The following BIRC6 variants were observed in gnomAD, a reference collection of about 807,000 sequenced individuals.
BIRC6 encodes dual E2 ubiquitin-conjugating enzyme/E3 ubiquitin-protein ligase BIRC6.
A neutral mutation model predicts 503.3 loss-of-function variants in BIRC6; 98 were observed. That is an observed-to-expected ratio of 0.19 (90% confidence interval 0.17 to 0.23). BIRC6 has a LOEUF of 0.23. Ranked by LOEUF, BIRC6 falls within the 10% of genes least tolerant of loss-of-function variation. The pLI is 1.00. For missense variants in BIRC6, 5,360 were observed against 5,806.0 expected (o/e 0.92, Z 2.50); for synonymous variants, 2,240 against 2,078.7 (o/e 1.08, Z -2.11).
intron 24 of BIRC6, among the ~76,000 whole-genome samples, chr2:32,463,868 C>CG (rs1373091153): frequency 2.0e-5 from 3 of 152,178 alleles, no homozygotes; most frequent in African/African-American, 7.2e-5. Context: ...AAGATGTGAG[C>CG]GGTGGGCAAG....
intron 25 of BIRC6, 74 bp downstream of exon 25, chr2:32,464,897 C>A: frequency 6.6e-7 from 1 of 1,507,822 alleles, no homozygotes; most frequent in Non-Finnish European, 8.9e-7. Flanking sequence ...CTTTAGAAGG[C>A]AAAATTTTTA....
At chr2:32,468,136 T>G (rs1417390415) in intron 28 of BIRC6, 25 bp downstream of exon 28, 1 of 1,599,310 alleles carries the variant, frequency 6.3e-7, no homozygotes, top group African/African-American at 1.3e-5. Flanking sequence ...CAAATTTTAA[T>G]GTTATTGAAA....
intron 36 of BIRC6, 53 bp downstream of exon 36, chr2:32,478,871 C>A (rs2050062278): frequency 1.3e-6 from 2 of 1,546,806 alleles, no homozygotes; most frequent in African/African-American, 1.4e-5. Context: ...TGTCATTGCT[C>A]AACTAAGAAT....
At chr2:32,358,146 A>G (rs1359042475) in intron 1 of BIRC6, among the ~76,000 whole-genome samples, 3 of 152,198 alleles carry the variant, frequency 2.0e-5, no homozygotes, top group South Asian at 2.1e-4. Flanking sequence ...GCCGAAGACG[A>G]CTAGACCTGG....
At chr2:32,384,210 A>G (rs529875712) in intron 3 of BIRC6, among the ~76,000 whole-genome samples, 3 of 152,254 alleles carry the variant, frequency 2.0e-5, no homozygotes, top group African/African-American at 7.2e-5. Flanking sequence ...TGTATCATAC[A>G]TTTTTGGTTG....
At position 32,525,679 on chromosome 2, in the gene BIRC6, CTATG is replaced by C. The variant is rs1019254039; in HGVS notation, c.11920+54_11920+57del. 3.9e-6 allele frequency: 6 copies of C among 1,538,212 alleles called. No individual in the cohort carries two copies. In the Admixed American group the frequency reaches 9.8e-5, roughly 25 times the overall value. On this transcript the variant is annotated intron_variant, in intron 59 of 73. Coordinates refer to ENST00000421745, the MANE Select transcript of BIRC6 (RefSeq NM_016252.4). Reference sequence around the variant, plus strand: ...CAAAGAAATTTTAGTAGCCTTAAAACTATGTAAATCAGAGGCACAGTCACCAAAA... The same window carrying C: ...CAAAGAAATTTTAGTAGCCTTAAAACTAAATCAGAGGCACAGTCACCAAAA...
At chr2:32,440,333 A>G (rs1394501258) in intron 16 of BIRC6, among the ~76,000 whole-genome samples, 1 of 152,152 alleles carries the variant, frequency 6.6e-6, no homozygotes, top group Non-Finnish European at 1.5e-5. Context: ...GCAACTCACA[A>G]TCTTGTTTTT....
At chr2:32,383,191 C>T (rs549352952) in intron 3 of BIRC6, among the ~76,000 whole-genome samples, 37 of 150,884 alleles carry the variant, frequency 2.5e-4, no homozygotes, top group Middle Eastern at 7.2e-3. Flanking sequence ...CGATTACAGG[C>T]GCGTGCCACC....
intron 66 of BIRC6, among the ~76,000 whole-genome samples, chr2:32,587,468 C>T (rs374434596): frequency 9.2e-5 from 14 of 152,116 alleles, no homozygotes; most frequent in African/African-American, 3.4e-4. Flanking sequence ...CTAAGTGTGG[C>T]GGTTCATGCC....
At chr2:32,420,873 C>T (rs1028955305) in intron 10 of BIRC6, among the ~76,000 whole-genome samples, 1 of 150,754 alleles carries the variant, frequency 6.6e-6, no homozygotes, top group Admixed American at 6.6e-5. Context: ...ATTTGTGATA[C>T]TGATCGATGA....
At chr2:32,504,079 T>C (rs192411574) in intron 49 of BIRC6, among the ~76,000 whole-genome samples, 2,503 of 142,714 alleles carry the variant, frequency 0.018, 83 homozygotes, top group African/African-American at 0.057. Context: ...TGTGTGTGTT[T>C]AGTAGAGATG....
At chr2:32,416,568 A>G (rs756824212) in intron 10 of BIRC6, among the ~76,000 whole-genome samples, 2 of 151,940 alleles carry the variant, frequency 1.3e-5, no homozygotes, top group Non-Finnish European at 2.9e-5. Flanking sequence ...AATTATGTAA[A>G]GTTTCTGGCA....
intron 30 of BIRC6, 137 bp downstream of exon 30, chr2:32,469,751 A>T: frequency 1.3e-6 from 1 of 761,752 alleles, no homozygotes. Context: ...TGAAATGACC[A>T]GTGAAGGGCA....
chr2:32,455,062 C>T (rs2047091123), intron 23 of BIRC6, among the ~76,000 whole-genome samples: 2 of 151,942 alleles, frequency 1.3e-5, no homozygotes, highest in African/African-American at 2.4e-5. Flanking sequence ...TAAATCAGGA[C>T]CTTTCGTGGA....
chr2:32,397,693 TACACACAC>T (rs148310332), intron 6 of BIRC6, among the ~76,000 whole-genome samples: 2 of 144,652 alleles, frequency 1.4e-5, no homozygotes, highest in Admixed American at 6.9e-5. Flanking sequence ...CATATATATG[TACACACAC>T]ACACACACAC....
At chr2:32,464,475 T>C in intron 24 of BIRC6, 34 bp from the exon 25 acceptor site, 2 of 1,516,436 alleles carry the variant, frequency 1.3e-6, no homozygotes, top group Non-Finnish European at 1.8e-6. Flanking sequence ...TAGGCAGGAT[T>C]AGTCTATATA....
At chr2:32,446,757 T>TG (rs1291434795) in intron 21 of BIRC6, among the ~76,000 whole-genome samples, 4 of 137,292 alleles carry the variant, frequency 2.9e-5, no homozygotes, top group Non-Finnish European at 6.3e-5. Context: ...TTTTTTTTTT[T>TG]TTTTTTTTTT....
chr2:32,554,196 A>G (rs1300439428), intron 65 of BIRC6, among the ~76,000 whole-genome samples: 1 of 152,174 alleles, frequency 6.6e-6, no homozygotes, highest in African/African-American at 2.4e-5. Flanking sequence ...GCACACATTA[A>G]ATTATTTGCC....
intron 65 of BIRC6, 87 bp from the exon 66 acceptor site, chr2:32,575,069 A>G: frequency 2.1e-6 from 3 of 1,415,374 alleles, no homozygotes; most frequent in African/African-American, 1.4e-5. Flanking sequence ...GGACCTTGGT[A>G]AGATCCAGGT....
Sources: gnomAD v4.1 joint callset for allele counts (sites outside exome capture counted in the v4.1 genomes callset) on GRCh38, gnomAD v4.1.1 for gene constraint, MANE v1.5 for transcripts, NCBI Gene and HGNC (gene_info 2026-07-23, HGNC 2026-07-21) for gene names.